Variants in PPP3CB observed in about 807,000 individuals in gnomAD.
PPP3CB encodes serine/threonine-protein phosphatase 2B catalytic subunit beta isoform.
Under a neutral mutation model 66.4 loss-of-function variants are expected in PPP3CB, and 8 were observed. The observed-to-expected ratio is 0.12, with a 90% CI of 0.07 to 0.22. The LOEUF (loss-of-function observed/expected upper bound fraction) is 0.22. PPP3CB is among the 10% of genes least tolerant of loss of function. The pLI is 1.00. For missense variants in PPP3CB, 319 were observed against 642.5 expected (o/e 0.50, Z 5.44); for synonymous variants, 208 against 221.2 (o/e 0.94, Z 0.53).
chr10:73,440,036 A>G (rs2056120665), intron 12 of PPP3CB, 135 bp from the exon 13 acceptor site: 1 of 898,994 alleles, frequency 1.1e-6, no homozygotes, highest in Non-Finnish European at 1.7e-6. Context: ...ATTTAACATA[A>G]ATAGTACCCA....
At chr10:73,441,858 A>G (rs1188157646) in intron 12 of PPP3CB, among the ~76,000 whole-genome samples, 1 of 152,262 alleles carries the variant, frequency 6.6e-6, no homozygotes, top group Admixed American at 6.5e-5. Flanking sequence ...AAAACACTCA[A>G]GAAACATCAT....
chr10:73,461,714 C>A (rs568521358), intron 9 of PPP3CB, among the ~76,000 whole-genome samples: 23 of 152,170 alleles, frequency 1.5e-4, no homozygotes, highest in African/African-American at 5.5e-4. Flanking sequence ...CTTTGGGGAA[C>A]CATTGGCAGG....
At chr10:73,490,272 C>T (rs141457491) in intron 1 of PPP3CB, among the ~76,000 whole-genome samples, 42 of 152,132 alleles carry the variant, frequency 2.8e-4, no homozygotes, top group African/African-American at 7.7e-4. Context: ...TGACAACTTG[C>T]GGGCTCAGCA....
At chr10:73,470,660 C>A in intron 8 of PPP3CB, 27 bp downstream of exon 8, 2 of 1,398,600 alleles carry the variant, frequency 1.4e-6, no homozygotes, top group Non-Finnish European at 1.9e-6. Context: ...AGTTGTTTAA[C>A]AATTTTTTTT....
chr10:73,477,388 C>T (rs190511143), intron 3 of PPP3CB, among the ~76,000 whole-genome samples: 29 of 152,104 alleles, frequency 1.9e-4, no homozygotes, highest in Non-Finnish European at 2.9e-5. Context: ...TCTTCAGTGT[C>T]TAACACAAGG....
At chr10:73,474,848 A>G (rs1210883415) in intron 4 of PPP3CB, 71 bp downstream of exon 4, 1 of 1,566,642 alleles carries the variant, frequency 6.4e-7, no homozygotes, top group South Asian at 1.2e-5. Flanking sequence ...AAAGTCTTCA[A>G]AACTCTTACT....
Position 73,438,219 on chromosome 10 carries a change from G to T in PPP3CB, c.*23C>A, listed in dbSNP as rs756907370. The T allele has an allele frequency of 5.0e-6, 8 of 1,603,798 alleles. No individual in the cohort carries two copies. The Admixed American group carries it at 8.4e-5, about 17-fold the overall frequency. On this transcript the variant is annotated 3_prime_UTR_variant, in exon 14 of 14. Coordinates refer to ENST00000360663, the MANE Select transcript of PPP3CB (RefSeq NM_021132.4). ...TCTGTCCATTTGGGGCCCGAGATGT[G>T]AGAGTCCCTGGGAAGTAGTGGGTCA...
At position 73,467,599 on chromosome 10, in the gene PPP3CB, A is replaced by G. The variant is rs1228805115; in HGVS notation, c.1062T>C (p.Asn354=). ...NCSPHPYWLP[N]FMDVFTWSLP... is the part of the protein sequence containing the mutation. ...AAGACCACGTGAAGACATCCATAAA[A>G]TTAGGCAACCAGTAAGGATGTGGAG... The change falls in exon 9 of 14, where the codon AAT becomes AAC. Residue 354 remains asparagine, a synonymous_variant. Transcript: ENST00000360663. The G allele has an allele frequency of 6.3e-7, 1 of 1,590,254 alleles. No homozygotes were observed. The highest frequency in any genetic ancestry group is 8.6e-7 in the Non-Finnish European group (1 of 1,169,428).
rs2056638119 is a variant in PPP3CB, at chr10:73,467,617, A to G, written c.1044T>C (p.His348=). The G allele has an allele frequency of 6.3e-7, 1 of 1,585,612 alleles. No homozygotes were observed. The highest frequency in any genetic ancestry group is 1.7e-4 in the Middle Eastern group (1 of 5,998). The change falls in exon 9 of 14, where the codon CAT becomes CAC. Residue 348 remains histidine, a synonymous_variant. Transcript: ENST00000360663. The part of the protein sequence containing the change: ...MNIRQFNCSP[H]PYWLPNFMDV... ...CCATAAAATTAGGCAACCAGTAAGG[A>G]TGTGGAGAACAGTTAAACTGTCGAA...
intron 1 of PPP3CB, among the ~76,000 whole-genome samples, chr10:73,491,022 G>GTTTTTTTTTTTTTTTTTTTTTTTTT (rs528238766): frequency 2.4e-5 from 1 of 40,896 alleles, no homozygotes; most frequent in Non-Finnish European, 5.3e-5. Flanking sequence ...TGTTTTTATT[G>GTTTTTTTTTTTTTTTTTTTTTTTTT]TTTTTTTTTT....
intron 1 of PPP3CB, among the ~76,000 whole-genome samples, chr10:73,494,343 C>T (rs756447286): frequency 6.6e-6 from 1 of 152,138 alleles, no homozygotes; most frequent in African/African-American, 2.4e-5. Flanking sequence ...TTGGAGCACA[C>T]TGGCGCAAAT....
intron 3 of PPP3CB, chr10:73,477,351 C>A: frequency 4.6e-6 from 2 of 439,088 alleles, no homozygotes; most frequent in South Asian, 1.7e-5. Flanking sequence ...ATTAAAGCAT[C>A]ATTTGTAAAG....
chr10:73,495,079 GTGTT>G (rs2057162646), intron 1 of PPP3CB, among the ~76,000 whole-genome samples: 1 of 152,232 alleles, frequency 6.6e-6, no homozygotes, highest in African/African-American at 2.4e-5. Context: ...GTGTGGGTGT[GTGTT>G]TGTAAGGGAG....
At chr10:73,476,684 A>C (rs376344433) in intron 3 of PPP3CB, among the ~76,000 whole-genome samples, 4 of 151,906 alleles carry the variant, frequency 2.6e-5, no homozygotes, top group African/African-American at 9.7e-5. Flanking sequence ...ACACCAACTT[A>C]GTTACCAAAT....
At chr10:73,488,590 G>GA (rs1357936178) in intron 1 of PPP3CB, among the ~76,000 whole-genome samples, 1 of 146,694 alleles carries the variant, frequency 6.8e-6, no homozygotes, top group Non-Finnish European at 1.5e-5. Flanking sequence ...CATGAAGAAT[G>GA]ATATAACCAT....
chr10:73,459,252 G>T (rs911300342), intron 9 of PPP3CB, among the ~76,000 whole-genome samples: 10 of 152,234 alleles, frequency 6.6e-5, no homozygotes, highest in Non-Finnish European at 1.3e-4. Context: ...ACTTTGGGAG[G>T]CCGAGGCGGG....
At chr10:73,449,850 C>T (rs1288779958) in intron 10 of PPP3CB, among the ~76,000 whole-genome samples, 1 of 151,802 alleles carries the variant, frequency 6.6e-6, no homozygotes, top group East Asian at 1.9e-4. Context: ...GGCTGGAGTG[C>T]AATGGGGTGA....
chr10:73,495,991 C>A lies in PPP3CB; in HGVS notation c.-102G>T. On this transcript the variant is annotated 5_prime_UTR_variant, in exon 1 of 14. Transcript: ENST00000360663. ...CGGCGCCGCCGGGGAACATGGCGGA[C>A]CCTCTTTCCCTACAGAGGGGCTAAG... 1.4e-6 allele frequency: 1 copy of A among 693,494 alleles called. No homozygotes were observed. Among genetic ancestry groups the A allele is most frequent in the Non-Finnish European group, 2.0e-6 (1 of 498,792 alleles). The allele number at this position is 693,494 out of a possible 1,614,324, so 43.0% of individuals were successfully genotyped here. A position where few individuals can be genotyped will look rare whatever the true frequency, so the allele number is the denominator to read the frequency against.
At chr10:73,468,297 C>A (rs1188567303) in intron 8 of PPP3CB, among the ~76,000 whole-genome samples, 3 of 151,978 alleles carry the variant, frequency 2.0e-5, no homozygotes, top group Non-Finnish European at 1.5e-5. Context: ...ACCAAACAAT[C>A]CAGAGATAAC....
Sources: allele counts gnomAD v4.1 joint callset (sites outside exome capture counted in the v4.1 genomes callset), GRCh38; gene constraint gnomAD v4.1.1; transcripts MANE v1.5; gene names NCBI Gene and HGNC (gene_info 2026-07-23, HGNC 2026-07-21).